Variants in PATJ observed in about 807,000 individuals in gnomAD.
The protein encoded by PATJ is PATJ crumbs cell polarity complex component, also known as inaD-like protein.
Under a neutral mutation model 224.9 loss-of-function variants are expected in PATJ, and 190 were observed. The observed-to-expected ratio is 0.84, with a 90% CI of 0.75 to 0.95. PATJ has a LOEUF of 0.95. PATJ is among the 40% of genes least tolerant of loss of function. The probability of loss-of-function intolerance (pLI) is 0.00; values close to 1 mark genes in which losing one functional copy is unlikely to be tolerated. For synonymous variants in PATJ, 769 were observed against 820.3 expected (o/e 0.94, Z 1.07); for missense variants, 2,121 against 2,270.3 (o/e 0.93, Z 1.34).
intron 27 of PATJ, among the ~76,000 whole-genome samples, chr1:61,944,948 A>C (rs1013879981): frequency 8.5e-5 from 13 of 152,352 alleles, no homozygotes; most frequent in African/African-American, 2.9e-4. Context: ...AAGAATTTTC[A>C]ACCCAGAATT....
At chr1:62,145,463 A>T (rs1006371453) in intron 41 of PATJ, among the ~76,000 whole-genome samples, 4 of 152,002 alleles carry the variant, frequency 2.6e-5, no homozygotes, top group Admixed American at 6.6e-5. Flanking sequence ...GGAGTTTAAG[A>T]CCAGCCTGAG....
chr1:61,893,760 G>T (rs1265447723), intron 22 of PATJ, among the ~76,000 whole-genome samples: 4 of 149,068 alleles, frequency 2.7e-5, no homozygotes, highest in Non-Finnish European at 5.9e-5. Context: ...GTGGAACTCT[G>T]CTCAAAAAGC....
chr1:62,077,508 G>A (rs1658500412), intron 31 of PATJ, among the ~76,000 whole-genome samples: 1 of 151,928 alleles, frequency 6.6e-6, no homozygotes, highest in African/African-American at 2.4e-5. Context: ...GGGCAACATA[G>A]CAAAACTCCA....
At chr1:62,026,024 T>C (rs1315603169) in intron 29 of PATJ, among the ~76,000 whole-genome samples, 6 of 152,206 alleles carry the variant, frequency 3.9e-5, no homozygotes, top group Admixed American at 1.3e-4. Context: ...AATGTGGGTC[T>C]AGAAACTGCT....
At chr1:61,847,719 C>A (rs965763639) in intron 17 of PATJ, among the ~76,000 whole-genome samples, 1 of 152,070 alleles carries the variant, frequency 6.6e-6, no homozygotes, top group African/African-American at 2.4e-5. Flanking sequence ...TTTCTCTTTC[C>A]CAAAAGTAAA....
At chr1:62,013,383 C>T (rs1570030052) in intron 28 of PATJ, 57 of 985,342 alleles carry the variant, frequency 5.8e-5, no homozygotes, top group Non-Finnish European at 6.7e-5. Flanking sequence ...AAAGCCTACT[C>T]GCAGTTGATT....
chr1:62,051,072 G>A lies in PATJ; in HGVS notation c.4125+14G>A, dbSNP rs1653525467. 1 of 1,579,336 alleles carries A rather than the reference G, an allele frequency of 6.3e-7. No homozygotes were observed. Among genetic ancestry groups the A allele is most frequent in the Non-Finnish European group, 8.7e-7 (1 of 1,149,272 alleles). On this transcript the variant is annotated intron_variant, in intron 31 of 43. Transcript: ENST00000642238. Reference sequence around the variant, plus strand: ...AGCTTCAAACTGGTGAGAATCTTGAGTATTTTTCATCCTGTATTCTGTTTA... The same window carrying A: ...AGCTTCAAACTGGTGAGAATCTTGAATATTTTTCATCCTGTATTCTGTTTA...
At chr1:61,809,807 G>A (rs1488095477) in intron 14 of PATJ, among the ~76,000 whole-genome samples, 1 of 150,850 alleles carries the variant, frequency 6.6e-6, no homozygotes, top group Non-Finnish European at 1.5e-5. Flanking sequence ...ATGATTTTAT[G>A]CTATGTATGC....
chr1:61,969,161 G>A (rs763810378), intron 27 of PATJ, among the ~76,000 whole-genome samples: 3 of 152,140 alleles, frequency 2.0e-5, no homozygotes, highest in African/African-American at 4.8e-5. Flanking sequence ...TCCACCTCTT[G>A]ACTATTGTGA....
At chr1:62,089,387 T>TAA (rs11371202) in intron 33 of PATJ, among the ~76,000 whole-genome samples, 4,309 of 143,866 alleles carry the variant, frequency 0.03, 182 homozygotes, top group African/African-American at 0.1. Flanking sequence ...GTGAGGCAGC[T>TAA]AAAAAAAAAA....
chr1:61,999,948 T>C (rs1645645991), intron 28 of PATJ, among the ~76,000 whole-genome samples: 1 of 152,056 alleles, frequency 6.6e-6, no homozygotes, highest in Admixed American at 6.6e-5. Context: ...AGTGGTGTGA[T>C]CGCAGCTCTG....
At chr1:61,822,078 G>C (rs1323099204) in intron 14 of PATJ, among the ~76,000 whole-genome samples, 1 of 152,156 alleles carries the variant, frequency 6.6e-6, no homozygotes, top group Non-Finnish European at 1.5e-5. Flanking sequence ...TCTTAAATGA[G>C]GCACTATTTT....
At chr1:61,967,905 C>T (rs1384522448) in intron 27 of PATJ, among the ~76,000 whole-genome samples, 1 of 151,992 alleles carries the variant, frequency 6.6e-6, no homozygotes, top group African/African-American at 2.4e-5. Context: ...AGATCCTGTC[C>T]AGGACCTGAC....
intron 29 of PATJ, among the ~76,000 whole-genome samples, chr1:62,020,084 C>T (rs1381695690): frequency 1.3e-5 from 2 of 151,834 alleles, no homozygotes; most frequent in Non-Finnish European, 2.9e-5. Context: ...GCAGGAGCAT[C>T]GCATGAGCCC....
chr1:62,134,592 G>C (rs1666628198), intron 41 of PATJ, among the ~76,000 whole-genome samples: 1 of 149,794 alleles, frequency 6.7e-6, no homozygotes, highest in African/African-American at 2.5e-5. Flanking sequence ...TGATCCGCCC[G>C]CCTCAGCCTC....
At chr1:62,115,177 G>A (rs1160757964) in intron 35 of PATJ, among the ~76,000 whole-genome samples, 1 of 152,094 alleles carries the variant, frequency 6.6e-6, no homozygotes, top group Non-Finnish European at 1.5e-5. Flanking sequence ...AGGCATAGTG[G>A]CAGACGCCTG....
chr1:62,053,045 C>T (rs1489502788), intron 31 of PATJ, among the ~76,000 whole-genome samples: 2 of 152,096 alleles, frequency 1.3e-5, no homozygotes, highest in East Asian at 3.9e-4. Flanking sequence ...TCTGGTAGTC[C>T]CAGCCAGGCT....
At chr1:61,848,532 C>G (rs944554262) in intron 17 of PATJ, among the ~76,000 whole-genome samples, 5 of 152,032 alleles carry the variant, frequency 3.3e-5, no homozygotes, top group Non-Finnish European at 7.4e-5. Context: ...TACCCAGTTC[C>G]TCCTTTTGCC....
At chr1:61,990,006 C>T (rs1181803262) in intron 27 of PATJ, among the ~76,000 whole-genome samples, 162 bp from the exon 28 acceptor site, 1 of 152,040 alleles carries the variant, frequency 6.6e-6, no homozygotes, top group East Asian at 1.9e-4. Context: ...CTGTGAATAG[C>T]CACTGCAGCA....
Sources: gnomAD v4.1 joint callset for allele counts (sites outside exome capture counted in the v4.1 genomes callset) on GRCh38, gnomAD v4.1.1 for gene constraint, MANE v1.5 for transcripts, NCBI Gene and HGNC (gene_info 2026-07-23, HGNC 2026-07-21) for gene names.